Variants in SNX8 observed in about 807,000 individuals in gnomAD.
SNX8 encodes sorting nexin-8.
In SNX8, 25 loss-of-function variants were observed where a neutral mutation model predicts 51.6. The observed-to-expected ratio is 0.48, with a 90% confidence interval of 0.35 to 0.68. The LOEUF (loss-of-function observed/expected upper bound fraction) is 0.68. Among genes scored for constraint, SNX8 ranks in the 30% least tolerant of loss-of-function variants. The pLI is 0.00. For synonymous variants in SNX8, 324 were observed against 277.0 expected, an observed-to-expected ratio of 1.17 and a Z score of -1.68; for missense variants, 695 against 624.0, an observed-to-expected ratio of 1.11 and a Z score of -1.21.
chr7:2,330,826 G>A (rs553946441), intron 1 of SNX8, among the ~76,000 whole-genome samples: 1 of 152,196 alleles, frequency 6.6e-6, no homozygotes, highest in African/African-American at 2.4e-5. Context: ...AGTGAAGCAA[G>A]AAAAAGAAAA....
In SNX8 at chr7:2,252,126, AGCCCCGCC is replaced by A. The variant is rs1795047140; in HGVS notation, c.*2922_*2929del. The A allele has an allele frequency of 2.0e-5, 3 of 152,036 alleles. No individual in the cohort carries two copies. The highest frequency in any genetic ancestry group is 7.3e-5 in the African/African-American group (3 of 41,338). The allele number at this position is 152,036 out of a possible 1,614,324, so 9.4% of individuals were successfully genotyped here. A position where few individuals can be genotyped will look rare whatever the true frequency, so the allele number is the denominator to read the frequency against. ...CCATGATCGGCAGCCCCCTTCCCAC[AGCCCCGCC>A]AGCCCACAACCCCCCTCCCACGGCC... On this transcript the variant is annotated 3_prime_UTR_variant, in exon 11 of 11. Coordinates refer to ENST00000222990, the MANE Select transcript of SNX8 (RefSeq NM_013321.4).
chr7:2,268,179 T>G (rs1020392199), intron 5 of SNX8, among the ~76,000 whole-genome samples: 1 of 113,896 alleles, frequency 8.8e-6, no homozygotes, highest in Middle Eastern at 7.1e-3. Context: ...GCGTCAGCCC[T>G]CCGCCCGGCC....
intron 1 of SNX8, among the ~76,000 whole-genome samples, chr7:2,352,185 T>C (rs1779157736): frequency 6.6e-6 from 1 of 152,022 alleles, no homozygotes; most frequent in East Asian, 1.9e-4. Flanking sequence ...GTGCTGGGAT[T>C]ACAGGTGTGA....
intron 5 of SNX8, among the ~76,000 whole-genome samples, chr7:2,268,538 G>A (rs1288746695): frequency 6.8e-6 from 1 of 146,086 alleles, no homozygotes. Context: ...CGTGCCATCC[G>A]GGAGGGAGGT....
chr7:2,326,178 A>C (rs1294364894), intron 1 of SNX8, among the ~76,000 whole-genome samples: 1 of 150,792 alleles, frequency 6.6e-6, no homozygotes, highest in Non-Finnish European at 1.5e-5. Context: ...AGCCTGGGCA[A>C]AATAGTGAGA....
At chr7:2,350,299 G>T (rs1222822462) in intron 1 of SNX8, among the ~76,000 whole-genome samples, 1 of 152,190 alleles carries the variant, frequency 6.6e-6, no homozygotes, top group Admixed American at 6.6e-5. Context: ...TCTCGGCCCA[G>T]TCTCCGGGCT....
At chr7:2,257,182 G>C (rs1263567152) in intron 9 of SNX8, among the ~76,000 whole-genome samples, 159 bp from the exon 10 acceptor site, 1 of 152,124 alleles carries the variant, frequency 6.6e-6, no homozygotes, top group Non-Finnish European at 1.5e-5. Context: ...CGGGGAGGGA[G>C]CACCGTGCAG....
At chr7:2,258,771 C>G (rs897969984) in intron 7 of SNX8, among the ~76,000 whole-genome samples, 6 of 152,170 alleles carry the variant, frequency 3.9e-5, no homozygotes, top group Non-Finnish European at 4.4e-5. Context: ...GCGGTGGACA[C>G]AGGCTCCTCT....
rs181245701 is a variant in SNX8, at chr7:2,302,559, G to C, written c.94+11769C>G. 3.3e-5 allele frequency among the ~76,000 whole-genome samples: 5 copies of C among 151,064 alleles called. No individual in the cohort carries two copies. The South Asian group carries it at 8.3e-4, about 25-fold the overall frequency. ...AAGTGAGGAGCGTCTCTGCCTGGCC[G>C]CCCATCGTCTGGGATGTGAGGAGCC... is the stretch of plus-strand genomic sequence containing the variant. On this transcript the variant is annotated intron_variant, in intron 1 of 10. Transcript: ENST00000222990.
intron 10 of SNX8, among the ~76,000 whole-genome samples, chr7:2,255,631 C>T (rs6962774): frequency 1.3e-4 from 20 of 152,186 alleles, no homozygotes; most frequent in African/African-American, 4.3e-4. Flanking sequence ...CCCAGCTACT[C>T]GGGAGGTTGA....
chr7:2,261,975 C>T (rs1190598501), intron 7 of SNX8, among the ~76,000 whole-genome samples: 2 of 152,250 alleles, frequency 1.3e-5, no homozygotes, highest in Admixed American at 6.5e-5. Context: ...ATATGAGTAG[C>T]CTGGAGGCCA....
At chr7:2,268,565 C>T (rs1414484085) in intron 5 of SNX8, among the ~76,000 whole-genome samples, 59 of 146,084 alleles carry the variant, frequency 4.0e-4, no homozygotes, top group Non-Finnish European at 7.2e-4. Flanking sequence ...GTCAGCCCCC[C>T]GCCTGGCCAG....
intron 1 of SNX8, among the ~76,000 whole-genome samples, chr7:2,336,348 C>T (rs1271125645): frequency 6.6e-6 from 1 of 151,892 alleles, no homozygotes; most frequent in Non-Finnish European, 1.5e-5. Flanking sequence ...TGCAGTGAGC[C>T]GAGATCGTGC....
intron 1 of SNX8, among the ~76,000 whole-genome samples, chr7:2,325,492 T>C (rs1028100749): frequency 3.3e-5 from 5 of 152,080 alleles, no homozygotes; most frequent in African/African-American, 1.2e-4. Flanking sequence ...TTGGTAACAA[T>C]ACAGACGTTA....
intron 1 of SNX8, among the ~76,000 whole-genome samples, chr7:2,305,870 C>G (rs184931529): frequency 4.8e-4 from 73 of 151,968 alleles, no homozygotes; most frequent in African/African-American, 1.6e-3. Context: ...TGCTTGAGCC[C>G]AGGAGTTCAA....
intron 1 of SNX8, among the ~76,000 whole-genome samples, chr7:2,331,184 C>CAAAAAA (rs71023397): frequency 5.2e-5 from 4 of 76,622 alleles, no homozygotes; most frequent in Middle Eastern, 7.8e-3. Context: ...GACTCTGTCT[C>CAAAAAA]AAAAAAAAAA....
chr7:2,310,846 A>G (rs1179861011), intron 1 of SNX8, among the ~76,000 whole-genome samples: 1 of 152,198 alleles, frequency 6.6e-6, no homozygotes, highest in Non-Finnish European at 1.5e-5. Context: ...ACATGAGCAC[A>G]CTTATATAAG....
chr7:2,259,217 AC>A (rs1160309949), intron 7 of SNX8, among the ~76,000 whole-genome samples: 3 of 150,116 alleles, frequency 2.0e-5, no homozygotes, highest in South Asian at 2.1e-4. Context: ...CTCACCACAG[AC>A]CCCCCAGCCA....
At chr7:2,285,994 C>G (rs1266675110) in intron 1 of SNX8, among the ~76,000 whole-genome samples, 2 of 151,630 alleles carry the variant, frequency 1.3e-5, no homozygotes, top group Non-Finnish European at 2.9e-5. Flanking sequence ...AGGTTGTATA[C>G]TTTAAACAGT....
Sources: allele counts gnomAD v4.1 joint callset (sites outside exome capture counted in the v4.1 genomes callset), GRCh38; gene constraint gnomAD v4.1.1; transcripts MANE v1.5; gene names NCBI Gene and HGNC (gene_info 2026-07-23, HGNC 2026-07-21).